HS6ST3: variants seen among roughly 807,000 people sequenced by gnomAD.
The protein encoded by HS6ST3 is heparan sulfate 6-O-sulfotransferase 3.
A neutral mutation model predicts 36.7 loss-of-function variants in HS6ST3; 12 were observed. The observed-to-expected ratio is 0.33, with a 90% confidence interval of 0.21 to 0.53. The LOEUF (loss-of-function observed/expected upper bound fraction) is 0.53, where lower values mean the gene tolerates loss of function less well. Ranked by LOEUF, HS6ST3 falls within the 20% of genes least tolerant of loss-of-function variation. The pLI is 0.95. For missense variants in HS6ST3, 584 were observed against 640.9 expected, an observed-to-expected ratio of 0.91 and a Z score of 0.96; for synonymous variants, 240 against 257.5, an observed-to-expected ratio of 0.93 and a Z score of 0.65.
chr13:96,525,081 T>C (rs1566386797), intron 1 of HS6ST3, among the ~76,000 whole-genome samples: 1 of 152,218 alleles, frequency 6.6e-6, no homozygotes, highest in South Asian at 2.1e-4. Context: ...TTTATTGTAA[T>C]TATCATCTGA....
At position 96,724,287 on chromosome 13, in the gene HS6ST3, T is replaced by C. The variant is rs1197166374; in HGVS notation, c.708-108203T>C. Among the ~76,000 whole-genome samples the C allele has an allele frequency of 2.0e-5, 3 of 152,230 alleles. No homozygotes were observed. In the East Asian group the frequency reaches 5.8e-4, roughly 29 times the overall value. On this transcript the variant is annotated intron_variant, in intron 1 of 1. Coordinates refer to ENST00000376705, the MANE Select transcript of HS6ST3 (RefSeq NM_153456.4). ...TCAGCTTTAGTGGTAATTACATATG[T>C]GGAGACAAGGAGTGAACTGGGTAAG... is the stretch of plus-strand genomic sequence containing the variant.
intron 1 of HS6ST3, among the ~76,000 whole-genome samples, chr13:96,233,979 GTTACC>G (rs2054520180): frequency 6.6e-6 from 1 of 151,882 alleles, no homozygotes; most frequent in Non-Finnish European, 1.5e-5. Context: ...AAAGAATGTG[GTTACC>G]TTACTTACTG....
intron 1 of HS6ST3, among the ~76,000 whole-genome samples, chr13:96,632,133 G>A (rs558882488): frequency 1.2e-4 from 18 of 152,262 alleles, no homozygotes; most frequent in African/African-American, 4.3e-4. Flanking sequence ...GCTTAGGGGA[G>A]TGACTTTGCC....
chr13:96,552,221 T>C (rs1400699726), intron 1 of HS6ST3, among the ~76,000 whole-genome samples: 1 of 152,364 alleles, frequency 6.6e-6, no homozygotes, highest in South Asian at 2.1e-4. Context: ...ATATTTTTAA[T>C]GTCCTTCCTC....
intron 1 of HS6ST3, among the ~76,000 whole-genome samples, chr13:96,162,423 G>A (rs961600112): frequency 6.6e-6 from 1 of 152,196 alleles, no homozygotes; most frequent in Non-Finnish European, 1.5e-5. Flanking sequence ...CTGAATACTG[G>A]AAGAAAAAAA....
chr13:96,322,084 T>C lies in HS6ST3; in HGVS notation c.707+230515T>C, dbSNP rs144909998. On this transcript the variant is annotated intron_variant, in intron 1 of 1. Transcript: ENST00000376705. ...CTCACATACTCTGCCTTCATAACAA[T>C]GACCACAGACAAACGTTTTCCTGTC... Among the ~76,000 whole-genome samples, 109 of 152,284 alleles carry C rather than the reference T, an allele frequency of 7.2e-4. 2 individuals carry two copies. Among genetic ancestry groups the C allele is most frequent in the African/African-American group, 2.5e-3 (104 of 41,562 alleles).
At chr13:96,466,750 G>T (rs2055816034) in intron 1 of HS6ST3, among the ~76,000 whole-genome samples, 1 of 135,956 alleles carries the variant, frequency 7.4e-6, no homozygotes, top group Admixed American at 7.6e-5. Flanking sequence ...CCATGAAGTT[G>T]GATACCTTAA....
chr13:96,534,815 C>T (rs922307794), intron 1 of HS6ST3, among the ~76,000 whole-genome samples: 2 of 152,196 alleles, frequency 1.3e-5, no homozygotes, highest in Non-Finnish European at 2.9e-5. Flanking sequence ...AAAAATTAGC[C>T]AGGCATGGTG....
intron 1 of HS6ST3, among the ~76,000 whole-genome samples, chr13:96,774,174 G>C (rs149310897): frequency 0.016 from 2,506 of 152,180 alleles, 63 homozygotes; most frequent in African/African-American, 0.057. Context: ...CCCATTCAAA[G>C]GTCACCAACA....
chr13:96,202,153 A>T (rs1035693741), intron 1 of HS6ST3, among the ~76,000 whole-genome samples: 2 of 152,158 alleles, frequency 1.3e-5, no homozygotes, highest in Non-Finnish European at 2.9e-5. Flanking sequence ...CCTCCTTTTA[A>T]TGTCTTTTAA....
chr13:96,785,849 C>G (rs1039087936), intron 1 of HS6ST3, among the ~76,000 whole-genome samples: 15 of 152,178 alleles, frequency 9.9e-5, no homozygotes, highest in Admixed American at 4.6e-4. Context: ...AAATATTGCT[C>G]TGTAAGTAGT....
intron 1 of HS6ST3, among the ~76,000 whole-genome samples, chr13:96,661,170 G>A (rs2056645032): frequency 6.6e-6 from 1 of 152,066 alleles, no homozygotes; most frequent in Non-Finnish European, 1.5e-5. Context: ...TCCTCAACTT[G>A]CAGATGGCCT....
At chr13:96,382,682 G>C (rs960421443) in intron 1 of HS6ST3, among the ~76,000 whole-genome samples, 2 of 152,092 alleles carry the variant, frequency 1.3e-5, no homozygotes, top group African/African-American at 4.8e-5. Flanking sequence ...TGCACTTCTA[G>C]AAAAGTATGA....
chr13:96,751,966 A>G (rs1876712643), intron 1 of HS6ST3, among the ~76,000 whole-genome samples: 2 of 151,960 alleles, frequency 1.3e-5, no homozygotes, highest in Admixed American at 1.3e-4. Flanking sequence ...CTGTTCACTA[A>G]AGTTAAGAAT....
At chr13:96,728,854 GTGTT>G (rs1326861025) in intron 1 of HS6ST3, among the ~76,000 whole-genome samples, 1 of 152,140 alleles carries the variant, frequency 6.6e-6, no homozygotes, top group Non-Finnish European at 1.5e-5. Context: ...AAAAGACAGA[GTGTT>G]TGTGATGATG....
intron 1 of HS6ST3, among the ~76,000 whole-genome samples, chr13:96,232,602 G>A (rs2054514029): frequency 6.6e-6 from 1 of 152,114 alleles, no homozygotes; most frequent in Non-Finnish European, 1.5e-5. Flanking sequence ...AATCACAGAT[G>A]GGAGTGTCAG....
chr13:96,227,579 G>A (rs576755329), intron 1 of HS6ST3, among the ~76,000 whole-genome samples: 92 of 152,198 alleles, frequency 6.0e-4, no homozygotes, highest in Admixed American at 3.6e-3. Flanking sequence ...AGCTCTTTCA[G>A]GTTATTTTTT....
chr13:96,463,906 C>T (rs533278588), intron 1 of HS6ST3, among the ~76,000 whole-genome samples: 6 of 151,660 alleles, frequency 4.0e-5, no homozygotes, highest in South Asian at 4.1e-4. Context: ...CAAACTAAAA[C>T]GTGTTGTGAG....
intron 1 of HS6ST3, among the ~76,000 whole-genome samples, chr13:96,727,169 G>T (rs746964091): frequency 1.3e-5 from 2 of 152,042 alleles, no homozygotes; most frequent in Non-Finnish European, 2.9e-5. Flanking sequence ...TTAATAAATG[G>T]AGTTAGATAC....
Sources: allele counts gnomAD v4.1 joint callset (sites outside exome capture counted in the v4.1 genomes callset), GRCh38; gene constraint gnomAD v4.1.1; transcripts MANE v1.5; gene names NCBI Gene and HGNC (gene_info 2026-07-23, HGNC 2026-07-21).